The following TTC29 variants were observed in gnomAD, a reference collection of about 807,000 sequenced individuals.
TTC29 encodes tetratricopeptide repeat protein 29.
Under a neutral mutation model 58.1 loss-of-function variants are expected in TTC29, and 49 were observed. The ratio of observed to expected loss-of-function variants is 0.84; its 90% confidence interval spans 0.67 to 1.07. The LOEUF (loss-of-function observed/expected upper bound fraction) is 1.07, where lower values mean the gene tolerates loss of function less well. Ranked by LOEUF, TTC29 falls within the 50% of genes least tolerant of loss-of-function variation. TTC29 has a pLI of 0.00. For missense variants in TTC29, 582 were observed against 555.6 expected (o/e 1.05, Z -0.48); for synonymous variants, 209 against 196.8 (o/e 1.06, Z -0.52).
intron 10 of TTC29, among the ~76,000 whole-genome samples, chr4:146,817,063 C>T (rs571100901): frequency 8.5e-4 from 130 of 152,126 alleles, no homozygotes; most frequent in African/African-American, 2.8e-3. Flanking sequence ...TTCAACATAG[C>T]GTTGGAAGTT....
intron 11 of TTC29, among the ~76,000 whole-genome samples, chr4:146,714,119 G>C (rs185245122): frequency 6.6e-6 from 1 of 152,130 alleles, no homozygotes; most frequent in Admixed American, 6.5e-5. Context: ...GAAGACACTG[G>C]ACATCAGACA....
intron 11 of TTC29, among the ~76,000 whole-genome samples, chr4:146,780,302 G>GTGT: frequency 7.2e-6 from 1 of 138,542 alleles, no homozygotes; most frequent in South Asian, 2.5e-4. Context: ...CCTAACTTGG[G>GTGT]GTGTGTGTGT....
intron 7 of TTC29, 85 bp from the exon 8 acceptor site, chr4:146,867,668 G>T: frequency 3.2e-6 from 2 of 621,428 alleles, no homozygotes; most frequent in South Asian, 3.0e-5. Context: ...CAAGACAGTA[G>T]AAAATTATTT....
chr4:146,790,482 C>T (rs1161679492), intron 11 of TTC29, among the ~76,000 whole-genome samples: 2 of 152,122 alleles, frequency 1.3e-5, no homozygotes, highest in East Asian at 1.9e-4. Flanking sequence ...CCACTGCACC[C>T]GGCCACTAAA....
intron 8 of TTC29, among the ~76,000 whole-genome samples, chr4:146,864,969 A>G (rs1218131638): frequency 6.6e-6 from 1 of 151,902 alleles, no homozygotes. Flanking sequence ...TTATGAAATA[A>G]GTACAGTTAT....
intron 8 of TTC29, among the ~76,000 whole-genome samples, chr4:146,840,363 C>CT (rs1219283311): frequency 2.0e-5 from 3 of 151,938 alleles, no homozygotes; most frequent in Non-Finnish European, 4.4e-5. Context: ...TCATAACGCC[C>CT]AACCTTCAGA....
At chr4:146,924,723 A>G (rs1354701399) in intron 4 of TTC29, among the ~76,000 whole-genome samples, 1 of 151,228 alleles carries the variant, frequency 6.6e-6, no homozygotes, top group Admixed American at 6.6e-5. Context: ...TTCTGCCCTT[A>G]TTTTACTATT....
At chr4:146,731,689 T>G (rs546624495) in intron 11 of TTC29, among the ~76,000 whole-genome samples, 45 of 152,314 alleles carry the variant, frequency 3.0e-4, no homozygotes, top group Non-Finnish European at 5.0e-4. Context: ...GTTGACAAAT[T>G]GGGAAAATTG....
chr4:146,942,518 A>G (rs1736501448), intron 2 of TTC29: 1 of 966,896 alleles, frequency 1.0e-6, no homozygotes, highest in Non-Finnish European at 1.5e-6. Context: ...TATGGTAAGA[A>G]GTTATAACTC....
chr4:146,943,415 G>A (rs142576000), intron 2 of TTC29, among the ~76,000 whole-genome samples: 101 of 151,826 alleles, frequency 6.7e-4, no homozygotes, highest in African/African-American at 2.3e-3. Flanking sequence ...AGTTATCAGA[G>A]CTGAATGATA....
At chr4:146,710,587 A>C (rs1742417271) in intron 11 of TTC29, among the ~76,000 whole-genome samples, 1 of 152,086 alleles carries the variant, frequency 6.6e-6, no homozygotes, top group Non-Finnish European at 1.5e-5. Context: ...TTTGGATTAT[A>C]ACCTAGGTTT....
At chr4:146,751,294 G>GAT in intron 11 of TTC29, among the ~76,000 whole-genome samples, 1 of 152,236 alleles carries the variant, frequency 6.6e-6, no homozygotes, top group East Asian at 1.9e-4. Context: ...ACTTTAAATG[G>GAT]ATAAATCAAT....
At chr4:146,849,699 G>T (rs894517448) in intron 8 of TTC29, among the ~76,000 whole-genome samples, 2 of 150,472 alleles carry the variant, frequency 1.3e-5, no homozygotes, top group Non-Finnish European at 3.0e-5. Context: ...GCTTGAAAAT[G>T]ACCTCCAAGG....
chr4:146,882,543 T>C (rs1420204877), intron 6 of TTC29, among the ~76,000 whole-genome samples: 17 of 152,116 alleles, frequency 1.1e-4, no homozygotes, highest in Non-Finnish European at 5.9e-5. Flanking sequence ...CATCTGAGGA[T>C]AAATAAAGTT....
chr4:146,781,910 G>A (rs1748635879), intron 11 of TTC29, among the ~76,000 whole-genome samples: 1 of 151,760 alleles, frequency 6.6e-6, no homozygotes, highest in African/African-American at 2.4e-5. Context: ...GATTCTGATA[G>A]CCAAGAGAAA....
Position 146,932,182 on chromosome 4 carries a change from A to T in TTC29, c.176+5412T>A, listed in dbSNP as rs555491043. On this transcript the variant is annotated intron_variant, in intron 4 of 12. Transcript: ENST00000325106. ...GCATTCTCTGTAATCGCTTATTTTT[A>T]AAAAAATTCATGAGAAAGAAGAAAT... Among the ~76,000 whole-genome samples the T allele has an allele frequency of 3.6e-3, 548 of 152,260 alleles. 5 individuals are homozygous for T. Among genetic ancestry groups the T allele is most frequent in the South Asian group, 0.018 (85 of 4,820 alleles).
chr4:146,923,210 AC>A (rs1560722561), intron 4 of TTC29, among the ~76,000 whole-genome samples: 1 of 151,872 alleles, frequency 6.6e-6, no homozygotes, highest in African/African-American at 2.4e-5. Flanking sequence ...ATTTGCCCTC[AC>A]TTTTAATTGA....
At chr4:146,942,519 G>T (rs1736501801) in intron 2 of TTC29, 2 of 1,023,868 alleles carry the variant, frequency 2.0e-6, no homozygotes, top group East Asian at 5.3e-5. Context: ...ATGGTAAGAA[G>T]TTATAACTCA....
chr4:146,910,888 C>T (rs759340582), intron 4 of TTC29, among the ~76,000 whole-genome samples: 1 of 152,056 alleles, frequency 6.6e-6, no homozygotes, highest in Admixed American at 6.6e-5. Context: ...CCTCCAATTG[C>T]GATCGATAGA....
Sources: gnomAD v4.1 joint callset for allele counts (sites outside exome capture counted in the v4.1 genomes callset) on GRCh38, gnomAD v4.1.1 for gene constraint, MANE v1.5 for transcripts, NCBI Gene and HGNC (gene_info 2026-07-23, HGNC 2026-07-21) for gene names.